Variants in RASAL2 observed in about 807,000 individuals in gnomAD.
The protein encoded by RASAL2 is ras GTPase-activating protein nGAP.
Under a neutral mutation model 128.9 loss-of-function variants are expected in RASAL2, and 58 were observed. The ratio of observed to expected loss-of-function variants is 0.45; its 90% CI spans 0.36 to 0.56. The LOEUF (loss-of-function observed/expected upper bound fraction) is 0.56, where lower values mean the gene tolerates loss of function less well. RASAL2 is among the 20% of genes least tolerant of loss of function. The pLI, the probability that RASAL2 is intolerant of heterozygous loss-of-function variation, is 0.00. For missense variants in RASAL2, 1,360 were observed against 1,601.6 expected, an observed-to-expected ratio of 0.85 and a Z score of 2.57; for synonymous variants, 561 against 580.8, an observed-to-expected ratio of 0.97 and a Z score of 0.49.
At chr1:178,317,318 G>A (rs1381546709) in intron 3 of RASAL2, among the ~76,000 whole-genome samples, 1 of 146,786 alleles carries the variant, frequency 6.8e-6, no homozygotes, top group Admixed American at 6.8e-5. Flanking sequence ...AAATGAGTTA[G>A]GGAGGATTCT....
chr1:178,424,455 C>T (rs1460783781), intron 5 of RASAL2, among the ~76,000 whole-genome samples: 1 of 151,512 alleles, frequency 6.6e-6, no homozygotes, highest in Non-Finnish European at 1.5e-5. Context: ...TATCTTCACT[C>T]ATTACACTTT....
At chr1:178,176,787 A>G (rs1227818016) in intron 1 of RASAL2, among the ~76,000 whole-genome samples, 1 of 152,060 alleles carries the variant, frequency 6.6e-6, no homozygotes, top group Non-Finnish European at 1.5e-5. Context: ...CTGAGACTAC[A>G]GGCGTGTGCC....
chr1:178,236,390 TC>T (rs34105113), intron 1 of RASAL2, among the ~76,000 whole-genome samples: 38,488 of 152,026 alleles, frequency 0.25, 6,086 homozygotes, highest in Middle Eastern at 0.37. Flanking sequence ...TTTCCAAAAA[TC>T]AGAGATTCTG....
chr1:178,360,868 G>T (rs1215456245), intron 3 of RASAL2, among the ~76,000 whole-genome samples: 1 of 152,102 alleles, frequency 6.6e-6, no homozygotes, highest in Non-Finnish European at 1.5e-5. Flanking sequence ...AAATAATAGA[G>T]TTTTATCCCT....
rs749506850 is a variant in RASAL2, at chr1:178,464,399, A to G, written c.3374A>G (p.Lys1125Arg). The change falls in exon 15 of 18, where the codon AAG (lysine) becomes AGG (arginine). Residue 1125 changes from lysine (K) to arginine (R), a missense_variant. Coordinates refer to ENST00000367649, the MANE Select transcript of RASAL2 (RefSeq NM_170692.4). ...EETEQNLDEA[K>R]HAEKYEQEIT... The stretch of plus-strand genomic sequence containing the variant: ...ACTGAGCAAAATCTAGATGAAGCCA[A>G]GCATGCTGAGAAGGTAGAACCTAGT... 4 of 1,613,700 alleles carry G rather than the reference A, an allele frequency of 2.5e-6. No homozygotes were observed. Among genetic ancestry groups the G allele is most frequent in the Admixed American group, 1.7e-5 (1 of 59,976 alleles).
At chr1:178,394,396 A>G (rs1246945311) in intron 4 of RASAL2, among the ~76,000 whole-genome samples, 1 of 152,254 alleles carries the variant, frequency 6.6e-6, no homozygotes, top group East Asian at 1.9e-4. Context: ...TAATTCAGAA[A>G]GAGAAAATGA....
chr1:178,126,548 A>C (rs1659907212), intron 1 of RASAL2, among the ~76,000 whole-genome samples: 1 of 152,200 alleles, frequency 6.6e-6, no homozygotes, highest in African/African-American at 2.4e-5. Flanking sequence ...CTTTTAAAAA[A>C]CACTTTTAAC....
At chr1:178,175,784 G>A (rs1015198943) in intron 1 of RASAL2, among the ~76,000 whole-genome samples, 4 of 151,928 alleles carry the variant, frequency 2.6e-5, no homozygotes, top group Admixed American at 6.6e-5. Context: ...AGTTATAAGA[G>A]AGAACATATG....
Position 178,458,333 on chromosome 1 carries a change from T to C in RASAL2, c.3041T>C (p.Val1014Ala), listed in dbSNP as rs1322555518. The C allele has an allele frequency of 1.2e-6, 2 of 1,614,214 alleles. No individual in the cohort carries two copies. The highest frequency in any genetic ancestry group is 1.7e-6 in the Non-Finnish European group (2 of 1,180,042). ...NSTGQAQIRK[V>A]DQGGLGARAK... Reference sequence around the variant, plus strand: ...ACTGGGCAGGCCCAGATCCGAAAAGTGGACCAGGGTGGGTTAGGTGCCCGA... The same window carrying C: ...ACTGGGCAGGCCCAGATCCGAAAAGCGGACCAGGGTGGGTTAGGTGCCCGA... The change falls in exon 14 of 18, where the codon GTG (valine) becomes GCG (alanine). Residue 1014 changes from valine to alanine, a missense_variant. Val to Ala is a moderately conservative substitution (Grantham distance 64, BLOSUM62 0). Around this residue, in one of 3 missense-constraint regions of RASAL2, gnomAD observed 741 missense variants for 868.6 expected, o/e 0.85. Coordinates refer to ENST00000367649, the MANE Select transcript of RASAL2 (RefSeq NM_170692.4).
chr1:178,303,260 A>G (rs1667848767), intron 3 of RASAL2, among the ~76,000 whole-genome samples: 1 of 152,152 alleles, frequency 6.6e-6, no homozygotes, highest in South Asian at 2.1e-4. Context: ...ACCATGCACA[A>G]TATCAATTCC....
chr1:178,338,764 A>G (rs1365334099), intron 3 of RASAL2, among the ~76,000 whole-genome samples: 4 of 152,234 alleles, frequency 2.6e-5, no homozygotes, highest in Non-Finnish European at 5.9e-5. Context: ...CGTTGCAGAT[A>G]TAGCAGCGAA....
intron 4 of RASAL2, among the ~76,000 whole-genome samples, chr1:178,399,384 G>T (rs1673468786): frequency 6.6e-6 from 1 of 151,920 alleles, no homozygotes. Context: ...CGGGGGAGGG[G>T]CAGGGGAGTG....
At chr1:178,154,427 C>T (rs1661014539) in intron 1 of RASAL2, among the ~76,000 whole-genome samples, 1 of 151,950 alleles carries the variant, frequency 6.6e-6, no homozygotes, top group African/African-American at 2.4e-5. Context: ...GGGATTACAG[C>T]AGTGGGCCAC....
intron 3 of RASAL2, among the ~76,000 whole-genome samples, chr1:178,380,992 G>A (rs191780177): frequency 4.3e-4 from 65 of 152,262 alleles, no homozygotes; most frequent in African/African-American, 1.4e-3. Context: ...TAGATGAATT[G>A]AAGTTGATAT....
chr1:178,290,074 A>G (rs1557880083), intron 2 of RASAL2, among the ~76,000 whole-genome samples: 2 of 152,162 alleles, frequency 1.3e-5, no homozygotes, highest in South Asian at 2.1e-4. Flanking sequence ...TTTTTATAGC[A>G]TTTGCCACCT....
Position 178,094,449 on chromosome 1 carries a change from C to A in RASAL2, c.-44C>A, listed in dbSNP as rs951275132. 24 of 1,490,272 alleles carry A rather than the reference C, an allele frequency of 1.6e-5. No homozygotes were observed. The highest frequency in any genetic ancestry group is 2.1e-5 in the Non-Finnish European group (24 of 1,119,924). The allele number at this position is 1,490,272 out of a possible 1,614,324, so 92.3% of individuals were successfully genotyped here. ...CAGGGCGCGGAGCCGCGCGCCAGCC[C>A]GCCCCGAAGCCGCCGCCTCGTCCCC... On this transcript the variant is annotated 5_prime_UTR_variant, in exon 1 of 18. Coordinates refer to ENST00000367649, the MANE Select transcript of RASAL2 (RefSeq NM_170692.4).
At chr1:178,364,622 A>G (rs1671306344) in intron 3 of RASAL2, among the ~76,000 whole-genome samples, 1 of 152,180 alleles carries the variant, frequency 6.6e-6, no homozygotes, top group Admixed American at 6.5e-5. Context: ...TGTTACCCTA[A>G]TGATTTTCAG....
At chr1:178,284,254 T>C (rs1241935364) in intron 2 of RASAL2, among the ~76,000 whole-genome samples, 3 of 152,144 alleles carry the variant, frequency 2.0e-5, no homozygotes, top group African/African-American at 7.2e-5. Context: ...TTGCTGTGGT[T>C]ATGCACAAAA....
In RASAL2 at chr1:178,259,525, A is replaced by G. The variant is rs570095844; in HGVS notation, c.203-24039A>G. ...CTAAATTATGTGCTATGTTAGTTGT[A>G]TCTTCATAAAGCTGTTATTAAAAGA... On this transcript the variant is annotated intron_variant, in intron 1 of 17. Transcript: ENST00000367649. 2.9e-4 allele frequency among the ~76,000 whole-genome samples: 44 copies of G among 152,328 alleles called. No individual in the cohort carries two copies. The South Asian group carries it at 6.2e-3, about 22-fold the overall frequency.
Sources: gnomAD v4.1 joint callset for allele counts (sites outside exome capture counted in the v4.1 genomes callset) on GRCh38, gnomAD v4.1.1 for gene constraint, gnomAD v4.1.1 regional missense constraint, MANE v1.5 for transcripts, NCBI Gene and HGNC (gene_info 2026-07-23, HGNC 2026-07-21) for gene names.